The following BIRC6 variants were observed in gnomAD, a reference collection of about 807,000 sequenced individuals.
BIRC6 encodes dual E2 ubiquitin-conjugating enzyme/E3 ubiquitin-protein ligase BIRC6.
Under a neutral mutation model 503.3 loss-of-function variants are expected in BIRC6, and 98 were observed. The ratio of observed to expected loss-of-function variants is 0.19; its 90% CI spans 0.17 to 0.23. BIRC6 has a LOEUF of 0.23. Ranked by LOEUF, BIRC6 falls within the 10% of genes least tolerant of loss-of-function variation. The probability of loss-of-function intolerance (pLI) is 1.00; values close to 1 mark genes in which losing one functional copy is unlikely to be tolerated. For missense variants in BIRC6, 5,360 were observed against 5,806.0 expected, an observed-to-expected ratio of 0.92 and a Z score of 2.50; for synonymous variants, 2,240 against 2,078.7, an observed-to-expected ratio of 1.08 and a Z score of -2.11.
intron 65 of BIRC6, among the ~76,000 whole-genome samples, chr2:32,552,409 T>C (rs1478972261): frequency 6.6e-6 from 1 of 152,206 alleles, no homozygotes; most frequent in Non-Finnish European, 1.5e-5. Context: ...TATTAAATGA[T>C]AATACTAAGC....
chr2:32,574,056 T>C (rs1050570487), intron 65 of BIRC6, among the ~76,000 whole-genome samples: 6 of 152,184 alleles, frequency 3.9e-5, no homozygotes, highest in African/African-American at 1.2e-4. Flanking sequence ...AAATATCTGC[T>C]GCATTCTTTC....
intron 8 of BIRC6, 32 bp downstream of exon 8, chr2:32,401,655 G>C: frequency 6.5e-7 from 1 of 1,548,674 alleles, no homozygotes; most frequent in East Asian, 2.3e-5. Flanking sequence ...GTATTTAATA[G>C]ATGTTACATG....
At chr2:32,545,584 A>G in intron 62 of BIRC6, 59 bp from the exon 63 acceptor site, 7 of 1,393,282 alleles carry the variant, frequency 5.0e-6, no homozygotes, top group Non-Finnish European at 7.1e-6. Context: ...CCCTGTATGT[A>G]ACTTCTTATG....
In BIRC6 at chr2:32,473,062, TAA is replaced by T. The variant is rs757236445; in HGVS notation, c.6593-47_6593-46del. The T allele has an allele frequency of 2.9e-5, 43 of 1,475,846 alleles. No homozygotes were observed. In the African/African-American group the frequency reaches 5.7e-4, roughly 20 times the overall value. 91.4% of individuals were successfully genotyped at this position (1,475,846 alleles called of 1,614,324 possible). A position where few individuals can be genotyped will look rare whatever the true frequency, so the allele number is the denominator to read the frequency against. On this transcript the variant is annotated intron_variant, in intron 32 of 73. Coordinates refer to ENST00000421745, the MANE Select transcript of BIRC6 (RefSeq NM_016252.4). ...TGTTTTCTGGGTAGGAAAGGTACTTTAAAATCACATTTAACAGAATTATTAAT... is the reference window on the plus strand; with the variant it reads ...TGTTTTCTGGGTAGGAAAGGTACTTTAATCACATTTAACAGAATTATTAAT...
In BIRC6 at chr2:32,401,550, T is replaced by G. The variant is rs773288158; in HGVS notation, c.1345T>G (p.Ser449Ala). ...AGGAGACCCAAGCTCAGGAGTTGAT[T>G]CAAGGAGACCAACTTTGGCGTGGCT... The part of the protein sequence containing the change: ...LSGDPSSGVD[S>A]RRPTLAWLED... The change falls in exon 8 of 74, where the codon TCA becomes GCA. Residue 449 changes from serine to alanine, a missense_variant. By Grantham distance (99) the Ser-to-Ala change is moderately conservative. Around this residue, in one of 16 missense-constraint regions of BIRC6, gnomAD observed 700 missense variants for 739.3 expected, o/e 0.95. Transcript: ENST00000421745. The G allele has an allele frequency of 2.5e-6, 4 of 1,614,028 alleles. No homozygotes were observed. Among genetic ancestry groups the G allele is most frequent in the Non-Finnish European group, 3.4e-6 (4 of 1,179,882 alleles).
At chr2:32,391,862 T>G (rs2039275284) in intron 4 of BIRC6, among the ~76,000 whole-genome samples, 177 bp from the exon 5 acceptor site, 1 of 152,258 alleles carries the variant, frequency 6.6e-6, no homozygotes, top group African/African-American at 2.4e-5. Context: ...CCTTTCTGTT[T>G]AAGGGAAATT....
chr2:32,462,927 C>A (rs1033483024), intron 23 of BIRC6, among the ~76,000 whole-genome samples: 1 of 150,650 alleles, frequency 6.6e-6, no homozygotes, highest in Non-Finnish European at 1.5e-5. Flanking sequence ...TGCACTCCAG[C>A]CTGAGTGACG....
At chr2:32,518,749 A>G in intron 56 of BIRC6, 68 bp from the exon 57 acceptor site, 1 of 1,501,558 alleles carries the variant, frequency 6.7e-7, no homozygotes, top group Non-Finnish European at 9.1e-7. Flanking sequence ...GATGCTTTTG[A>G]GATTATTTTA....
chr2:32,408,264 G>T (rs1194553195), intron 9 of BIRC6, among the ~76,000 whole-genome samples: 1 of 152,022 alleles, frequency 6.6e-6, no homozygotes, highest in African/African-American at 2.4e-5. Flanking sequence ...CACCGTGCCC[G>T]GCCAGACCTG....
At chr2:32,527,322 A>G (rs529365191) in intron 59 of BIRC6, 3 of 152,318 alleles carry the variant, frequency 2.0e-5, no homozygotes, top group African/African-American at 7.2e-5. Flanking sequence ...ATATCACCCA[A>G]TTCATCCTCC....
intron 33 of BIRC6, among the ~76,000 whole-genome samples, chr2:32,474,498 T>G (rs993035346): frequency 6.6e-6 from 1 of 152,188 alleles, no homozygotes; most frequent in Non-Finnish European, 1.5e-5. Context: ...TGGCAAAACT[T>G]AAAAGGTGCC....
At chr2:32,418,557 T>A (rs2042615156) in intron 10 of BIRC6, among the ~76,000 whole-genome samples, 1 of 152,208 alleles carries the variant, frequency 6.6e-6, no homozygotes, top group Non-Finnish European at 1.5e-5. Flanking sequence ...CTGAAAGATT[T>A]AAAAATTGAC....
At chr2:32,587,448 T>A (rs1251925714) in intron 66 of BIRC6, among the ~76,000 whole-genome samples, 1 of 152,184 alleles carries the variant, frequency 6.6e-6, no homozygotes, top group Admixed American at 6.5e-5. Context: ...GAAAAAAATC[T>A]GCTTTTGGGC....
intron 73 of BIRC6, among the ~76,000 whole-genome samples, chr2:32,615,312 T>A (rs945177460): frequency 2.0e-5 from 3 of 152,212 alleles, no homozygotes; most frequent in African/African-American, 7.2e-5. Context: ...TTTTTCTTTC[T>A]CCTTCCCTGG....
rs563701148 is a variant in BIRC6, at chr2:32,549,665, A to G, written c.13144+184A>G. On this transcript the variant is annotated intron_variant, in intron 65 of 73. Transcript: ENST00000421745. The stretch of plus-strand genomic sequence containing the variant: ...TTTGTCATCACTTACCATAGAACAC[A>G]GAATAATAAAAGTTTCATTATTCCT... 1.2e-4 allele frequency among the ~76,000 whole-genome samples: 18 copies of G among 152,350 alleles called. No individual in the cohort carries two copies. In the South Asian group the frequency reaches 3.1e-3, roughly 26 times the overall value.
At chr2:32,513,586 C>A (rs768548728) in intron 54 of BIRC6, among the ~76,000 whole-genome samples, 53 of 151,946 alleles carry the variant, frequency 3.5e-4, no homozygotes, top group Admixed American at 3.4e-3. Flanking sequence ...CCAGCTTGGG[C>A]AACATGCAAA....
At chr2:32,596,589 A>G (rs531289916) in intron 68 of BIRC6, among the ~76,000 whole-genome samples, 1 of 152,272 alleles carries the variant, frequency 6.6e-6, no homozygotes, top group African/African-American at 2.4e-5. Flanking sequence ...AGCATCACTC[A>G]CTAAGTCCAG....
chr2:32,450,916 G>A (rs180837451), intron 22 of BIRC6, among the ~76,000 whole-genome samples: 1 of 152,302 alleles, frequency 6.6e-6, no homozygotes, highest in East Asian at 1.9e-4. Context: ...GGCTGTAACA[G>A]ACTCAGCCAT....
chr2:32,531,070 T>C lies in BIRC6; in HGVS notation c.12095-285T>C, dbSNP rs186341331. On this transcript the variant is annotated intron_variant, in intron 60 of 73. Coordinates refer to ENST00000421745, the MANE Select transcript of BIRC6 (RefSeq NM_016252.4). Reference sequence around the variant, plus strand: ...GTATGCTTACAAATGACCAGCATCATACTGTTAAAATGGAGATTCTTCATT... The same window carrying C: ...GTATGCTTACAAATGACCAGCATCACACTGTTAAAATGGAGATTCTTCATT... Among the ~76,000 whole-genome samples the C allele has an allele frequency of 3.0e-4, 45 of 152,316 alleles. 1 individual carries two copies. The highest frequency in any genetic ancestry group is 2.6e-3 in the Admixed American group (40 of 15,294).
Sources: allele counts gnomAD v4.1 joint callset (sites outside exome capture counted in the v4.1 genomes callset), GRCh38; gene constraint gnomAD v4.1.1; regional missense constraint gnomAD v4.1.1; transcripts MANE v1.5; gene names NCBI Gene and HGNC (gene_info 2026-07-23, HGNC 2026-07-21).